NUP107: variants seen among roughly 807,000 people sequenced by gnomAD.
NUP107 encodes nuclear pore complex protein Nup107.
In NUP107, 101 loss-of-function variants were observed where a neutral mutation model predicts 141.0. The ratio of observed to expected loss-of-function variants is 0.72; its 90% CI spans 0.61 to 0.84. The LOEUF is 0.84. NUP107 is among the 40% of genes least tolerant of loss of function. The pLI is 0.00. For synonymous variants in NUP107, 319 were observed against 363.9 expected, an observed-to-expected ratio of 0.88 and a Z score of 1.41; for missense variants, 941 against 1,102.7, an observed-to-expected ratio of 0.85 and a Z score of 2.08.
chr12:68,698,068 G>A (rs541203351), intron 6 of NUP107, among the ~76,000 whole-genome samples: 1 of 151,746 alleles, frequency 6.6e-6, no homozygotes, highest in African/African-American at 2.4e-5. Context: ...CACATTGTAT[G>A]TCATTAGAGA....
Position 68,689,521 on chromosome 12 carries a change from C to T in NUP107, c.101-12C>T, listed in dbSNP as rs369578271. 3.9e-6 allele frequency: 6 copies of T among 1,544,044 alleles called. No homozygotes were observed. The South Asian group carries it at 6.0e-5, about 15-fold the overall frequency. On this transcript the variant is annotated splice_polypyrimidine_tract_variant and intron_variant, in intron 2 of 27. Coordinates refer to ENST00000229179, the MANE Select transcript of NUP107 (RefSeq NM_020401.4). ...TTTCTACATGGAAAACTTTTCTTAA[C>T]TCGTTGTACAGTTCAGGCATCTCAA... is the stretch of plus-strand genomic sequence containing the variant.
chr12:68,715,793 AGTTGG>A, intron 12 of NUP107, 53 bp downstream of exon 12: 2 of 1,112,860 alleles, frequency 1.8e-6, no homozygotes, highest in Non-Finnish European at 2.7e-6. Flanking sequence ...AGACTCTTTG[AGTTGG>A]AAGAGATTTT....
At chr12:68,720,751 A>G (rs1397524338) in intron 14 of NUP107, among the ~76,000 whole-genome samples, 2 of 150,370 alleles carry the variant, frequency 1.3e-5, no homozygotes, top group African/African-American at 5.0e-5. Flanking sequence ...GGTCAGTATC[A>G]GAGAGTATCA....
At chr12:68,700,144 T>A (rs1429223801) in intron 6 of NUP107, among the ~76,000 whole-genome samples, 2 of 152,060 alleles carry the variant, frequency 1.3e-5, no homozygotes, top group African/African-American at 4.8e-5. Context: ...CCTCAAGCAA[T>A]CCACCTGTCT....
chr12:68,726,570 A>T lies in NUP107; in HGVS notation c.1648A>T (p.Met550Leu). 1 of 1,613,974 alleles carries T rather than the reference A, an allele frequency of 6.2e-7. No homozygotes were observed. The highest frequency in any genetic ancestry group is 1.3e-5 in the African/African-American group (1 of 75,030). Residue 550 changes from methionine (M) to leucine (L), a missense_variant, in exon 19 of 28, where the codon ATG becomes TTG. Met to Leu is a conservative substitution (Grantham distance 15). Transcript: ENST00000229179. ...NNLPGHLLRF[M>L]THLILFFRTL... Reference sequence around the variant, plus strand: ...TCTACCTGGACACCTGCTTCGCTTTATGACTCACCTTATTTTGTTTTTCCG... The same window carrying T: ...TCTACCTGGACACCTGCTTCGCTTTTTGACTCACCTTATTTTGTTTTTCCG...
intron 17 of NUP107, among the ~76,000 whole-genome samples, chr12:68,722,891 A>G (rs544634712): frequency 9.2e-5 from 14 of 152,310 alleles, no homozygotes; most frequent in African/African-American, 3.4e-4. Flanking sequence ...GCTGTAATGA[A>G]GTTACATGTG....
intron 12 of NUP107, among the ~76,000 whole-genome samples, chr12:68,716,079 A>G (rs1877092545): frequency 6.7e-6 from 1 of 149,286 alleles, no homozygotes; most frequent in African/African-American, 2.5e-5. Context: ...TTTTTTTGAG[A>G]CAGTGTCTTG....
In NUP107 at chr12:68,741,798, GAT is replaced by G; in HGVS notation, c.2503-14_2503-13del. The G allele has an allele frequency of 6.2e-7, 1 of 1,602,594 alleles. No individual in the cohort carries two copies. The highest frequency in any genetic ancestry group is 1.1e-5 in the South Asian group (1 of 89,952). ...GCTTAAATTGTTAAAATGATTTATT[GAT>G]GTCTGTTTGTAGGATGCCAAAGAAG... On this transcript the variant is annotated splice_polypyrimidine_tract_variant and intron_variant, in intron 26 of 27. Transcript: ENST00000229179.
In NUP107 at chr12:68,727,277, G is replaced by T; in HGVS notation, c.1696-74G>T. 2.7e-6 allele frequency: 2 copies of T among 735,348 alleles called. 1 individual carries two copies. Among genetic ancestry groups the T allele is most frequent in the South Asian group, 3.6e-5 (2 of 55,990 alleles). The allele number at this position is 735,348 out of a possible 1,614,324, so 45.6% of individuals were successfully genotyped here. ...TACAATTATTAAATTATTTAATAAT[G>T]GAATTTGTATCAAAAATTTTGTTAC... On this transcript the variant is annotated intron_variant, in intron 19 of 27. Transcript: ENST00000229179.
At chr12:68,690,833 C>T in intron 4 of NUP107, 87 bp downstream of exon 4, 2 of 1,337,122 alleles carry the variant, frequency 1.5e-6, no homozygotes, top group Non-Finnish European at 2.1e-6. Flanking sequence ...GAACTCCTGA[C>T]CTCAAGTGAT....
At chr12:68,710,379 C>T (rs566431272) in intron 10 of NUP107, among the ~76,000 whole-genome samples, 2 of 152,100 alleles carry the variant, frequency 1.3e-5, no homozygotes, top group South Asian at 4.2e-4. Flanking sequence ...TAAAACAAGC[C>T]GGGTGTGATG....
In NUP107 at chr12:68,723,821, T is replaced by C. The variant is rs140187316; in HGVS notation, c.1506+1669T>C. On this transcript the variant is annotated intron_variant, in intron 17 of 27. Coordinates refer to ENST00000229179, the MANE Select transcript of NUP107 (RefSeq NM_020401.4). The stretch of plus-strand genomic sequence containing the variant: ...GGCTGAGCATGTTTCCTTATGTTTA[T>C]TGACCATTTGTGAATTTTTTGTTCA... 6.4e-3 allele frequency among the ~76,000 whole-genome samples: 980 copies of C among 152,338 alleles called. 10 individuals are homozygous for C. Among genetic ancestry groups the C allele is most frequent in the African/African-American group, 0.022 (934 of 41,560 alleles).
intron 8 of NUP107, among the ~76,000 whole-genome samples, chr12:68,707,715 T>C (rs1269450576): frequency 6.6e-6 from 1 of 152,238 alleles, no homozygotes; most frequent in Non-Finnish European, 1.5e-5. Flanking sequence ...TATTAGATAT[T>C]ATACATAATC....
intron 14 of NUP107, among the ~76,000 whole-genome samples, chr12:68,720,517 G>A (rs1014454642): frequency 2.0e-5 from 3 of 152,144 alleles, no homozygotes; most frequent in African/African-American, 4.8e-5. Flanking sequence ...TAGTATTGAT[G>A]ATAATGGAAA....
intron 26 of NUP107, among the ~76,000 whole-genome samples, chr12:68,737,291 G>A (rs1015315225): frequency 2.0e-5 from 3 of 152,112 alleles, no homozygotes; most frequent in African/African-American, 4.8e-5. Flanking sequence ...GAGGCCAAGC[G>A]TGGTGGCTCA....
At chr12:68,732,546 A>C (rs1448686588) in intron 22 of NUP107, 91 bp from the exon 23 acceptor site, 1 of 612,474 alleles carries the variant, frequency 1.6e-6, no homozygotes, top group Admixed American at 3.1e-5. Flanking sequence ...TACTGGAAGT[A>C]CAGGTGTAAG....
intron 14 of NUP107, among the ~76,000 whole-genome samples, 182 bp downstream of exon 14, chr12:68,719,836 A>C (rs941422767): frequency 6.6e-6 from 1 of 152,174 alleles, no homozygotes; most frequent in Non-Finnish European, 1.5e-5. Context: ...AGAATTAAAC[A>C]CTGATATAAG....
At chr12:68,732,852 A>T (rs535433006) in intron 23 of NUP107, 113 bp downstream of exon 23, 11 of 611,074 alleles carry the variant, frequency 1.8e-5, no homozygotes, top group Admixed American at 6.5e-5. Context: ...CCTAATTTTT[A>T]AAAAATTTTT....
chr12:68,722,552 C>G (rs556503536), intron 17 of NUP107, among the ~76,000 whole-genome samples: 61 of 151,922 alleles, frequency 4.0e-4, no homozygotes, highest in Admixed American at 1.2e-3. Flanking sequence ...TAAATAAAAC[C>G]TTTATAGTAA....
Sources: gnomAD v4.1 joint callset for allele counts (sites outside exome capture counted in the v4.1 genomes callset) on GRCh38, gnomAD v4.1.1 for gene constraint, MANE v1.5 for transcripts, NCBI Gene and HGNC (gene_info 2026-07-23, HGNC 2026-07-21) for gene names.